The following VRK3 variants were observed in gnomAD, a reference collection of about 807,000 sequenced individuals.
VRK3 encodes serine/threonine-protein kinase VRK3.
In VRK3, 50 loss-of-function variants were observed where a neutral mutation model predicts 60.4. The observed-to-expected ratio is 0.83, with a 90% CI of 0.66 to 1.05. VRK3 has a LOEUF of 1.05. VRK3 is among the 50% of genes least tolerant of loss of function. VRK3 has a pLI of 0.00. For missense variants in VRK3, 549 were observed against 585.3 expected (o/e 0.94, Z 0.64); for synonymous variants, 246 against 227.8 (o/e 1.08, Z -0.72).
chr19:49,987,101 G>A (rs377257219), intron 12 of VRK3, among the ~76,000 whole-genome samples: 3 of 152,302 alleles, frequency 2.0e-5, no homozygotes, highest in African/African-American at 7.2e-5. Context: ...GTCTCGAACT[G>A]CTGACCTCGA....
chr19:49,995,833 C>T (rs946033027), intron 7 of VRK3, among the ~76,000 whole-genome samples: 4 of 152,236 alleles, frequency 2.6e-5, no homozygotes, highest in Non-Finnish European at 2.9e-5. Context: ...ACTGCAACCT[C>T]CGCTTCCTGA....
rs1326603205 is a variant in VRK3 at position 49,979,082 on chromosome 19, C to T, written c.*11+1G>A. 1.3e-6 allele frequency: 2 copies of T among 1,597,292 alleles called. No individual in the cohort carries two copies. Among genetic ancestry groups the T allele is most frequent in the South Asian group, 2.2e-5 (2 of 89,208 alleles). ...GCTTAAGCCTCACAAGCTCTTCCCA[C>T]CTGGATTCCACCTAGGGCACCATCG... On this transcript the variant is annotated splice_donor_variant, in intron 14 of 14. Coordinates refer to ENST00000316763, the MANE Select transcript of VRK3 (RefSeq NM_016440.4). LOFTEE classifies it low-confidence loss of function (3UTR_SPLICE).
In VRK3 at chr19:50,009,318, G is replaced by C. The variant is rs749165673; in HGVS notation, c.207C>G (p.Val69=). ...SPKKVKWSST[V]TSPRLSLFSD... ...AGAAGAGGGATAATCGGGGAGAGGT[G>C]ACGGTGCTGGACCATTTCACTTTCT... is the stretch of plus-strand genomic sequence containing the variant. Residue 69 remains valine, a synonymous_variant, in exon 4 of 15, where the codon GTC becomes GTG. Transcript: ENST00000316763. 6.2e-7 allele frequency: 1 copy of C among 1,614,044 alleles called. No individual in the cohort carries two copies. Among genetic ancestry groups the C allele is most frequent in the East Asian group, 2.2e-5 (1 of 44,890 alleles).
chr19:49,994,990 G>T, intron 8 of VRK3, 71 bp from the exon 9 acceptor site: 1 of 1,460,542 alleles, frequency 6.8e-7, no homozygotes, highest in South Asian at 1.2e-5. Context: ...GCCAAGGATG[G>T]ACTGTTGCGT....
chr19:49,986,649 GCTTCATGTGAGGGAAGGACTGGGAAGGA>G (rs1555842359), intron 12 of VRK3: 2 of 152,260 alleles, frequency 1.3e-5, no homozygotes, highest in Non-Finnish European at 1.5e-5. Context: ...AACGAGAAAG[GCTTCATGTGAGGGAAGGACTGGGAAGGA>G]CTTCACGGCA....
At chr19:49,987,303 C>CCACATCCCTAG (rs2076532693) in intron 12 of VRK3, among the ~76,000 whole-genome samples, 1 of 152,124 alleles carries the variant, frequency 6.6e-6, no homozygotes, top group Non-Finnish European at 1.5e-5. Flanking sequence ...GGTGCTGAAC[C>CCACATCCCTAG]CACATCCCTA....
At chr19:49,993,465 C>T (rs552084626) in intron 9 of VRK3, among the ~76,000 whole-genome samples, 24 of 152,210 alleles carry the variant, frequency 1.6e-4, no homozygotes, top group Non-Finnish European at 3.2e-4. Context: ...GTGGTACAAT[C>T]ACTGCTCACT....
intron 9 of VRK3, among the ~76,000 whole-genome samples, chr19:49,993,901 C>T (rs1161381259): frequency 6.6e-6 from 1 of 152,092 alleles, no homozygotes; most frequent in African/African-American, 2.4e-5. Flanking sequence ...CCATTCCAGT[C>T]CCTCCCCATA....
Position 50,009,095 on chromosome 19 carries a change from C to G in VRK3, c.289+141G>C, listed in dbSNP as rs80110860. The G allele has an allele frequency of 3.7e-3, 3,720 of 1,009,832 alleles. 95 individuals are homozygous for G. In the African/African-American group the frequency reaches 0.055, roughly 15 times the overall value. 62.6% of individuals were successfully genotyped at this position (1,009,832 alleles called of 1,614,324 possible). On this transcript the variant is annotated intron_variant, in intron 4 of 14. Coordinates refer to ENST00000316763, the MANE Select transcript of VRK3 (RefSeq NM_016440.4). ...GCAGACTGGAGGGGGAGATGGGAGGCTGGGGAAGCTGCTGGAGTCAGAGTC... is the reference window on the plus strand; with the variant it reads ...GCAGACTGGAGGGGGAGATGGGAGGGTGGGGAAGCTGCTGGAGTCAGAGTC...
chr19:49,979,042 G>C, intron 14 of VRK3, 41 bp downstream of exon 14: 5 of 1,553,188 alleles, frequency 3.2e-6, no homozygotes, highest in Non-Finnish European at 4.4e-6. Flanking sequence ...CTCGGGTGAG[G>C]GCAAGGGGTG....
intron 5 of VRK3, among the ~76,000 whole-genome samples, chr19:50,002,992 T>A (rs947857500): frequency 6.6e-6 from 1 of 152,156 alleles, no homozygotes; most frequent in African/African-American, 2.4e-5. Flanking sequence ...GCAGTGGCCG[T>A]TTTCCCGGCA....
Position 50,007,608 on chromosome 19 carries a change from A to C in VRK3, c.508T>G (p.Ser170Ala), listed in dbSNP as rs11547881. 3.1e-6 allele frequency: 5 copies of C among 1,614,156 alleles called. No homozygotes were observed. Residue 170 changes from serine to alanine, a missense_variant, in exon 5 of 15, where the codon TCC (serine) becomes GCC (alanine). Coordinates refer to ENST00000316763, the MANE Select transcript of VRK3 (RefSeq NM_016440.4). ...DKSGRQWKLK[S>A]FQTRDNQGIL... is the part of the protein sequence containing the mutation. ...CCCTGGTTGTCCCTGGTCTGGAAGG[A>C]CTTCAGCTTCCACTGTCGCCCACTC...
At chr19:49,978,930 T>C in intron 14 of VRK3, 153 bp downstream of exon 14, 1 of 743,896 alleles carries the variant, frequency 1.3e-6, no homozygotes, top group Non-Finnish European at 2.0e-6. Context: ...GCTGGGAAGT[T>C]CAAGGACCGT....
chr19:49,980,624 C>A (rs947622063), intron 13 of VRK3, among the ~76,000 whole-genome samples: 1 of 151,408 alleles, frequency 6.6e-6, no homozygotes, highest in African/African-American at 2.4e-5. Flanking sequence ...GGCTGAGGCA[C>A]GAGAATTGCT....
rs373084648 is a variant in VRK3 at position 49,988,533 on chromosome 19, G to A, written c.1097-41C>T. The A allele has an allele frequency of 2.0e-4, 328 of 1,601,728 alleles. 2 individuals carry two copies. In the African/African-American group the frequency reaches 4.0e-3, roughly 20 times the overall value. On this transcript the variant is annotated intron_variant, in intron 11 of 14. Coordinates refer to ENST00000316763, the MANE Select transcript of VRK3 (RefSeq NM_016440.4). ...TAAAGGTGGCAGCTCAAGTCTGGAC[G>A]CTCCACTCACTGGTGGGTCCACCCC... is the stretch of plus-strand genomic sequence containing the variant.
intron 10 of VRK3, among the ~76,000 whole-genome samples, chr19:49,992,154 T>C (rs1329721332): frequency 6.6e-6 from 1 of 152,106 alleles, no homozygotes; most frequent in African/African-American, 2.4e-5. Flanking sequence ...AGGCCTGTAA[T>C]CCCAGCACCT....
intron 7 of VRK3, among the ~76,000 whole-genome samples, chr19:49,996,382 A>G (rs1441231840): frequency 2.0e-5 from 3 of 151,936 alleles, no homozygotes; most frequent in Non-Finnish European, 4.4e-5. Context: ...TGCAGTGTAA[A>G]TAAATACTCC....
chr19:50,007,042 A>G (rs2076903921), intron 5 of VRK3, among the ~76,000 whole-genome samples: 1 of 152,114 alleles, frequency 6.6e-6, no homozygotes. Flanking sequence ...ACACCTGACC[A>G]GTCTCCTTTC....
intron 1 of VRK3, 60 bp from the exon 2 acceptor site, chr19:50,020,707 T>C (rs1216592563): frequency 2.0e-5 from 3 of 152,196 alleles, no homozygotes; most frequent in African/African-American, 7.2e-5. Context: ...TGAAAGATAA[T>C]GGCTAATGTT....
Sources: gnomAD v4.1 joint callset for allele counts (sites outside exome capture counted in the v4.1 genomes callset) on GRCh38, gnomAD v4.1.1 for gene constraint, MANE v1.5 for transcripts, NCBI Gene and HGNC (gene_info 2026-07-23, HGNC 2026-07-21) for gene names.